Variants in APLF observed in about 807,000 individuals in gnomAD.
APLF encodes aprataxin and PNKP like factor.
APLF carries 61 observed loss-of-function variants against 55.6 expected under a neutral mutation model. The ratio of observed to expected loss-of-function variants is 1.10; its 90% confidence interval spans 0.89 to 1.36. APLF has a LOEUF of 1.36. APLF is among the 40% of genes most tolerant of loss of function. The pLI, the probability that APLF is intolerant of heterozygous loss-of-function variation, is 0.00. For missense variants in APLF, 611 were observed against 602.5 expected, an observed-to-expected ratio of 1.01 and a Z score of -0.15; for synonymous variants, 207 against 214.8, an observed-to-expected ratio of 0.96 and a Z score of 0.32.
At chr2:68,502,546 TA>T (rs1166408924) in intron 2 of APLF, among the ~76,000 whole-genome samples, 184 bp from the exon 3 acceptor site, 2 of 151,828 alleles carry the variant, frequency 1.3e-5, no homozygotes, top group African/African-American at 4.8e-5. Context: ...AATATATAAA[TA>T]ATAATTATGG....
chr2:68,560,497 A>T lies in APLF; in HGVS notation c.1287-6844A>T, dbSNP rs529594802. ...ACTTTGTCATAATGGAAAAATTTAT[A>T]AACTACTATGTTCCTTACAGTATTT... is the stretch of plus-strand genomic sequence containing the variant. On this transcript the variant is annotated intron_variant, in intron 8 of 9. Transcript: ENST00000303795. Among the ~76,000 whole-genome samples, 137 of 152,274 alleles carry T rather than the reference A, an allele frequency of 9.0e-4. 1 individual carries two copies. Among genetic ancestry groups the T allele is most frequent in the Non-Finnish European group, 1.4e-3 (93 of 68,004 alleles).
At position 68,575,926 on chromosome 2, in the gene APLF, A is replaced by G. The variant is rs187807202; in HGVS notation, c.1334-1894A>G. On this transcript the variant is annotated intron_variant, in intron 9 of 9. Transcript: ENST00000303795. Reference sequence around the variant, plus strand: ...AGATGTGAATTTGGGAATTTAGGACATAAGACTGGATGGAATCATCTAAGG... The same window carrying G: ...AGATGTGAATTTGGGAATTTAGGACGTAAGACTGGATGGAATCATCTAAGG... Among the ~76,000 whole-genome samples the G allele has an allele frequency of 3.4e-3, 521 of 152,274 alleles. 1 individual carries two copies. The highest frequency in any genetic ancestry group is 0.012 in the African/African-American group (484 of 41,570).
chr2:68,515,832 C>A (rs1399796221), intron 5 of APLF: 37 of 693,540 alleles, frequency 5.3e-5, no homozygotes, highest in Non-Finnish European at 6.4e-5. Context: ...TACTTTAGAA[C>A]AGTTTAGTAC....
intron 9 of APLF, among the ~76,000 whole-genome samples, 188 bp from the exon 10 acceptor site, chr2:68,577,632 T>G (rs1671658922): frequency 6.6e-6 from 1 of 152,144 alleles, no homozygotes; most frequent in Admixed American, 6.6e-5. Context: ...AGGAGCCTCA[T>G]GGTAGGAAAA....
At chr2:68,502,698 T>A (rs769529911) in intron 2 of APLF, 33 bp from the exon 3 acceptor site, 6 of 1,246,610 alleles carry the variant, frequency 4.8e-6, no homozygotes, top group South Asian at 4.5e-5. Context: ...TATTCTTTTT[T>A]AAATTTAATT....
At chr2:68,484,238 T>C (rs1676057502) in intron 1 of APLF, among the ~76,000 whole-genome samples, 1 of 152,160 alleles carries the variant, frequency 6.6e-6, no homozygotes. Flanking sequence ...CTTCATATCT[T>C]AAAACTAGAG....
intron 9 of APLF, among the ~76,000 whole-genome samples, chr2:68,569,511 A>G (rs1336136006): frequency 1.3e-5 from 2 of 152,148 alleles, no homozygotes; most frequent in Middle Eastern, 3.2e-3. Context: ...GAAAGTCTCT[A>G]TAGCTACTGT....
At chr2:68,534,438 C>T (rs1670335381) in intron 6 of APLF, among the ~76,000 whole-genome samples, 1 of 152,098 alleles carries the variant, frequency 6.6e-6, no homozygotes, top group South Asian at 2.1e-4. Context: ...CAATAAATTA[C>T]TTGATTTAAA....
At chr2:68,561,838 A>G (rs1018473120) in intron 8 of APLF, among the ~76,000 whole-genome samples, 2 of 152,090 alleles carry the variant, frequency 1.3e-5, no homozygotes, top group Admixed American at 6.6e-5. Flanking sequence ...ATTGGAATCT[A>G]TAGATTAGGG....
At chr2:68,553,200 T>C (rs1447576674) in intron 8 of APLF, among the ~76,000 whole-genome samples, 1 of 152,096 alleles carries the variant, frequency 6.6e-6, no homozygotes. Flanking sequence ...AATAATATTT[T>C]GGAGTTTTAA....
chr2:68,483,821 G>A (rs956865451), intron 1 of APLF, among the ~76,000 whole-genome samples: 1 of 151,940 alleles, frequency 6.6e-6, no homozygotes, highest in Non-Finnish European at 1.5e-5. Context: ...ATATGTACAG[G>A]AACCAAGTTA....
intron 5 of APLF, among the ~76,000 whole-genome samples, chr2:68,516,247 A>G (rs1052835866): frequency 5.9e-5 from 9 of 151,644 alleles, no homozygotes; most frequent in African/African-American, 1.9e-4. Flanking sequence ...ATATCACTGT[A>G]TAGCTGCCTA....
intron 8 of APLF, among the ~76,000 whole-genome samples, chr2:68,565,841 A>G (rs1671293978): frequency 6.6e-6 from 1 of 152,110 alleles, no homozygotes; most frequent in East Asian, 1.9e-4. Context: ...GGAAAATTTA[A>G]TCGCCTGATT....
intron 1 of APLF, among the ~76,000 whole-genome samples, chr2:68,481,385 T>TTG (rs1466845632): frequency 6.6e-6 from 1 of 151,502 alleles, no homozygotes; most frequent in African/African-American, 2.4e-5. Context: ...TTGTTTTGTT[T>TTG]TTGTTTGTTT....
At chr2:68,477,692 T>C (rs541443726) in intron 1 of APLF, among the ~76,000 whole-genome samples, 1 of 152,102 alleles carries the variant, frequency 6.6e-6, no homozygotes, top group Admixed American at 6.5e-5. Flanking sequence ...CTGGATAATT[T>C]ATGAAGGAAA....
At chr2:68,519,195 A>G (rs1669814647) in intron 5 of APLF, among the ~76,000 whole-genome samples, 1 of 139,460 alleles carries the variant, frequency 7.2e-6, no homozygotes, top group South Asian at 2.1e-4. Context: ...TATATTTATA[A>G]TATATAAATA....
At chr2:68,483,915 T>C (rs1573156945) in intron 1 of APLF, among the ~76,000 whole-genome samples, 1 of 152,172 alleles carries the variant, frequency 6.6e-6, no homozygotes, top group East Asian at 1.9e-4. Flanking sequence ...TACAAAAAAT[T>C]AACTTGTGTT....
chr2:68,553,496 A>C (rs1459614338), intron 8 of APLF, among the ~76,000 whole-genome samples: 1 of 152,078 alleles, frequency 6.6e-6, no homozygotes, highest in African/African-American at 2.4e-5. Flanking sequence ...TTTATTAGCT[A>C]TATACTGTTT....
At position 68,517,975 on chromosome 2, in the gene APLF, G is replaced by A. The variant is rs189466986; in HGVS notation, c.622+4295G>A. On this transcript the variant is annotated intron_variant, in intron 5 of 9. Transcript: ENST00000303795. The stretch of plus-strand genomic sequence containing the variant: ...CACTAATATGTGTTAATATATAACA[G>A]TAATATATCACTAATATGTGTTAAT... Among the ~76,000 whole-genome samples the A allele has an allele frequency of 6.5e-3, 878 of 135,900 alleles. 2 individuals are homozygous for A. Among genetic ancestry groups the A allele is most frequent in the Middle Eastern group, 0.011 (1 of 88 alleles). 89.2% of individuals were successfully genotyped at this position (135,900 alleles called of 152,430 possible).
Sources: gnomAD v4.1 joint callset for allele counts (sites outside exome capture counted in the v4.1 genomes callset) on GRCh38, gnomAD v4.1.1 for gene constraint, MANE v1.5 for transcripts, NCBI Gene and HGNC (gene_info 2026-07-23, HGNC 2026-07-21) for gene names.